Variants in HFM1 observed in about 807,000 individuals in gnomAD.
HFM1 encodes helicase for meiosis 1.
A neutral mutation model predicts 192.1 loss-of-function variants in HFM1; 169 were observed. The ratio of observed to expected loss-of-function variants is 0.88; its 90% CI spans 0.78 to 1.00. HFM1 has a LOEUF of 1.00. Among genes scored for constraint, HFM1 ranks in the 50% least tolerant of loss-of-function variants. The pLI, the probability that HFM1 is intolerant of heterozygous loss-of-function variation, is 0.00. For missense variants in HFM1, 1,661 were observed against 1,668.0 expected (o/e 1.00, Z 0.07); for synonymous variants, 525 against 537.8 (o/e 0.98, Z 0.33).
intron 13 of HFM1, among the ~76,000 whole-genome samples, chr1:91,374,568 A>G (rs1660676258): frequency 6.6e-6 from 1 of 152,164 alleles, no homozygotes; most frequent in Non-Finnish European, 1.5e-5. Context: ...ATTGTGGGGT[A>G]TAAGGTGAAG....
intron 30 of HFM1, among the ~76,000 whole-genome samples, chr1:91,296,460 C>A (rs942021189): frequency 6.6e-6 from 1 of 151,790 alleles, no homozygotes; most frequent in Non-Finnish European, 1.5e-5. Flanking sequence ...GTAGGTTGCC[C>A]AATATGTTTT....
intron 30 of HFM1, among the ~76,000 whole-genome samples, chr1:91,295,385 A>C (rs1195672644): frequency 2.0e-5 from 3 of 152,098 alleles, no homozygotes; most frequent in East Asian, 3.9e-4. Context: ...TAGGGTTGGT[A>C]TCTCCTGAGG....
chr1:91,370,003 A>C (rs1173351458), intron 13 of HFM1, among the ~76,000 whole-genome samples: 1 of 152,128 alleles, frequency 6.6e-6, no homozygotes, highest in Non-Finnish European at 1.5e-5. Flanking sequence ...GAAATGGATA[A>C]ATTCCTCAAC....
intron 18 of HFM1, among the ~76,000 whole-genome samples, chr1:91,348,313 A>C (rs1477672597): frequency 6.6e-6 from 1 of 152,162 alleles, no homozygotes; most frequent in African/African-American, 2.4e-5. Flanking sequence ...AAAAATACAC[A>C]AGCATACACC....
At chr1:91,391,219 A>G (rs1662943871) in intron 4 of HFM1, among the ~76,000 whole-genome samples, 1 of 152,226 alleles carries the variant, frequency 6.6e-6, no homozygotes, top group African/African-American at 2.4e-5. Flanking sequence ...TCAAGCTACC[A>G]ATGACTTTCT....
At chr1:91,365,887 G>A (rs1054536192) in intron 13 of HFM1, among the ~76,000 whole-genome samples, 1 of 149,544 alleles carries the variant, frequency 6.7e-6, no homozygotes, top group Non-Finnish European at 1.5e-5. Context: ...AAGAAGTTAA[G>A]TAATATGTCC....
At chr1:91,276,469 A>T (rs1299670507) in intron 32 of HFM1, among the ~76,000 whole-genome samples, 159 bp downstream of exon 32, 5 of 152,228 alleles carry the variant, frequency 3.3e-5, no homozygotes. Flanking sequence ...AAAGGAAAGA[A>T]GAAAGAAGGG....
rs150216919 is a variant in HFM1 at position 91,361,368 on chromosome 1, G to A, written c.1686-8069C>T. 4.4e-3 allele frequency among the ~76,000 whole-genome samples: 667 copies of A among 152,208 alleles called. 5 individuals carry two copies. The highest frequency in any genetic ancestry group is 9.1e-3 in the Admixed American group (139 of 15,270). ...AAACACAATCAGAAATGATATGGGGGATATCACCACTGACCCCATAGAAAT... is the reference window on the plus strand; with the variant it reads ...AAACACAATCAGAAATGATATGGGGAATATCACCACTGACCCCATAGAAAT... On this transcript the variant is annotated intron_variant, in intron 13 of 38. Transcript: ENST00000370425.
chr1:91,278,119 T>C (rs1344695612), intron 30 of HFM1, among the ~76,000 whole-genome samples: 2 of 150,886 alleles, frequency 1.3e-5, no homozygotes, highest in African/African-American at 2.4e-5. Flanking sequence ...GTAAACATTA[T>C]GGCATTTTGA....
intron 30 of HFM1, among the ~76,000 whole-genome samples, chr1:91,291,745 AC>A (rs1158358569): frequency 1.3e-5 from 2 of 151,962 alleles, no homozygotes; most frequent in Middle Eastern, 3.4e-3. Flanking sequence ...CAGAGACACA[AC>A]CAAAAAAGAG....
Position 91,379,161 on chromosome 1 carries a change from A to AT in HFM1, c.1059dup (p.Phe354IlefsTer9). 6.2e-7 allele frequency: 1 copy of AT among 1,609,478 alleles called. No homozygotes were observed. Among genetic ancestry groups the AT allele is most frequent in the Non-Finnish European group, 8.5e-7 (1 of 1,177,674 alleles). ...TTACAATTCAATCCTATTGGTCCAA[A>AT]TTTTTCTTTCCAGTCATCAAAACGC... On this transcript the variant is annotated frameshift_variant, in exon 9 of 39. Coordinates refer to ENST00000370425, the MANE Select transcript of HFM1 (RefSeq NM_001017975.6). LOFTEE classifies it high-confidence loss of function.
chr1:91,401,852 C>T (rs1210055960), intron 1 of HFM1, among the ~76,000 whole-genome samples: 3 of 151,712 alleles, frequency 2.0e-5, no homozygotes, highest in African/African-American at 7.3e-5. Flanking sequence ...AGGATAAAAA[C>T]ATTCAGCATT....
At chr1:91,265,016 C>G (rs957104251) in intron 36 of HFM1, among the ~76,000 whole-genome samples, 1 of 152,154 alleles carries the variant, frequency 6.6e-6, no homozygotes, top group Non-Finnish European at 1.5e-5. Flanking sequence ...AAAAATCCAA[C>G]CCTACCTCTC....
chr1:91,351,475 C>A, intron 17 of HFM1, 74 bp downstream of exon 17: 1 of 801,224 alleles, frequency 1.2e-6, no homozygotes. Context: ...CCAAATTTCC[C>A]TTTGATATTT....
chr1:91,273,830 A>G lies in HFM1; in HGVS notation c.3669-15T>C. ...AATATTCTGACCTTTATAAAGATAA[A>G]ACCATGAAAATGTTAAAGAAAATAT... On this transcript the variant is annotated splice_polypyrimidine_tract_variant and intron_variant, in intron 33 of 38. Transcript: ENST00000370425. 1 of 1,319,890 alleles carries G rather than the reference A, an allele frequency of 7.6e-7. No individual in the cohort carries two copies. Among genetic ancestry groups the G allele is most frequent in the Non-Finnish European group, 1.1e-6 (1 of 932,976 alleles). 81.8% of individuals were successfully genotyped at this position (1,319,890 alleles called of 1,614,324 possible).
chr1:91,299,418 T>A (rs1283905850), intron 30 of HFM1, among the ~76,000 whole-genome samples: 1 of 152,148 alleles, frequency 6.6e-6, no homozygotes, highest in Non-Finnish European at 1.5e-5. Context: ...TGAACTCAGC[T>A]CTGCACCAAC....
At chr1:91,347,876 T>C (rs1445777523) in intron 18 of HFM1, among the ~76,000 whole-genome samples, 1 of 152,180 alleles carries the variant, frequency 6.6e-6, no homozygotes, top group Non-Finnish European at 1.5e-5. Flanking sequence ...GATATACATA[T>C]ACATGTGTAT....
chr1:91,376,031 G>A lies in HFM1; in HGVS notation c.1396-304C>T, dbSNP rs1660866461. 2.0e-5 allele frequency among the ~76,000 whole-genome samples: 3 copies of A among 151,442 alleles called. No individual in the cohort carries two copies. In the South Asian group the frequency reaches 6.2e-4, roughly 32 times the overall value. The stretch of plus-strand genomic sequence containing the variant: ...AAAAATTATCAATTTTGTCATAGAG[G>A]CCAAATTTCTCACTATTATTTTAAC... On this transcript the variant is annotated intron_variant, in intron 11 of 38. Coordinates refer to ENST00000370425, the MANE Select transcript of HFM1 (RefSeq NM_001017975.6).
At chr1:91,298,312 T>G (rs149442231) in intron 30 of HFM1, among the ~76,000 whole-genome samples, 1 of 152,170 alleles carries the variant, frequency 6.6e-6, no homozygotes, top group East Asian at 1.9e-4. Context: ...CTACATCTGA[T>G]TGGTGTACCT....
Sources: allele counts gnomAD v4.1 joint callset (sites outside exome capture counted in the v4.1 genomes callset), GRCh38; gene constraint gnomAD v4.1.1; transcripts MANE v1.5; gene names NCBI Gene and HGNC (gene_info 2026-07-23, HGNC 2026-07-21).